Variants in TMOD2 observed in about 807,000 individuals in gnomAD.
TMOD2 encodes tropomodulin 2, also known as tropomodulin-2.
In TMOD2, 22 loss-of-function variants were observed where a neutral mutation model predicts 39.9. That is an observed-to-expected ratio of 0.55 (90% CI 0.39 to 0.79). The LOEUF is 0.79. TMOD2 is among the 30% of genes least tolerant of loss of function. The probability of loss-of-function intolerance (pLI) is 0.00; values close to 1 mark genes in which losing one functional copy is unlikely to be tolerated. For missense variants in TMOD2, 386 were observed against 413.3 expected (o/e 0.93, Z 0.57); for synonymous variants, 123 against 146.1 (o/e 0.84, Z 1.14).
chr15:51,757,082 T>C (rs781048124), intron 1 of TMOD2, among the ~76,000 whole-genome samples: 13 of 152,176 alleles, frequency 8.5e-5, no homozygotes, highest in Non-Finnish European at 1.3e-4. Context: ...TTGTTTAAAA[T>C]TATGAAATAT....
At chr15:51,757,959 C>T (rs2055754126) in intron 1 of TMOD2, among the ~76,000 whole-genome samples, 1 of 151,928 alleles carries the variant, frequency 6.6e-6, no homozygotes. Context: ...CAGCTGGGGT[C>T]AAAGGAGGTG....
intron 1 of TMOD2, among the ~76,000 whole-genome samples, chr15:51,760,336 C>T (rs1308653242): frequency 2.0e-5 from 3 of 152,210 alleles, no homozygotes; most frequent in Admixed American, 1.3e-4. Flanking sequence ...CATGTCCTTG[C>T]CCTTCCCAGC....
chr15:51,773,580 G>A, intron 3 of TMOD2, 132 bp from the exon 4 acceptor site: 1 of 812,598 alleles, frequency 1.2e-6, no homozygotes, highest in African/African-American at 1.7e-5. Context: ...GGCAATCCAG[G>A]AATCTCGGTT....
chr15:51,782,376 G>A (rs3794533), intron 6 of TMOD2, among the ~76,000 whole-genome samples: 3,983 of 152,256 alleles, frequency 0.026, 134 homozygotes, highest in Admixed American at 0.075. Flanking sequence ...AAAAGAGAAC[G>A]ACTTTGGTAT....
chr15:51,771,737 TGTTTCAGGCCA>T (rs1263290395), intron 3 of TMOD2, among the ~76,000 whole-genome samples: 5 of 152,154 alleles, frequency 3.3e-5, no homozygotes, highest in African/African-American at 9.7e-5. Context: ...AGAAAGAAAA[TGTTTCAGGCCA>T]TAGACGCTAG....
At chr15:51,775,459 T>C in intron 4 of TMOD2, among the ~76,000 whole-genome samples, 1 of 151,976 alleles carries the variant, frequency 6.6e-6, no homozygotes, top group East Asian at 1.9e-4. Flanking sequence ...TTGGTGAGCA[T>C]AGGGCCAGAG....
chr15:51,798,361 G>A (rs1471848823), intron 8 of TMOD2, 21 bp downstream of exon 8: 3 of 1,612,410 alleles, frequency 1.9e-6, no homozygotes, highest in Non-Finnish European at 2.5e-6. Flanking sequence ...CCAGAGAATA[G>A]GCAAAGTCAA....
chr15:51,788,921 C>T (rs936296035), intron 7 of TMOD2, among the ~76,000 whole-genome samples: 6 of 152,154 alleles, frequency 3.9e-5, no homozygotes, highest in Admixed American at 1.3e-4. Flanking sequence ...TTGTAAAGAC[C>T]GTCAACGCTA....
chr15:51,760,469 T>C (rs1039817419), intron 1 of TMOD2, among the ~76,000 whole-genome samples: 5 of 152,238 alleles, frequency 3.3e-5, no homozygotes, highest in Non-Finnish European at 7.3e-5. Context: ...TTGGATTACA[T>C]TGGCACACCC....
Position 51,777,033 on chromosome 15 carries a change from A to C in TMOD2, c.493+15A>C, listed in dbSNP as rs576464505. The C allele has an allele frequency of 6.3e-7, 1 of 1,588,248 alleles. No homozygotes were observed. The highest frequency in any genetic ancestry group is 1.3e-5 in the African/African-American group (1 of 74,792). ...ACCTGTCAGAAGTAAGTTGATGTGC[A>C]ATCTGTGGTTTTGTAAAGCTTTGGA... On this transcript the variant is annotated intron_variant, in intron 5 of 9. Transcript: ENST00000249700.
intron 7 of TMOD2, among the ~76,000 whole-genome samples, chr15:51,786,562 C>T (rs987122956): frequency 2.0e-5 from 3 of 152,180 alleles, no homozygotes. Context: ...AGCCATTTTA[C>T]AGATGAGGCA....
At chr15:51,785,769 A>G (rs1344319211) in intron 7 of TMOD2, among the ~76,000 whole-genome samples, 1 of 152,158 alleles carries the variant, frequency 6.6e-6, no homozygotes, top group Non-Finnish European at 1.5e-5. Flanking sequence ...TTTATTATAA[A>G]TTTCAAAATA....
chr15:51,787,633 C>T (rs1294921380), intron 7 of TMOD2, among the ~76,000 whole-genome samples: 1 of 152,190 alleles, frequency 6.6e-6, no homozygotes, highest in African/African-American at 2.4e-5. Context: ...GGTGGGTGTC[C>T]CTCTGGGACA....
chr15:51,787,131 G>A (rs898096591), intron 7 of TMOD2, among the ~76,000 whole-genome samples: 8 of 142,956 alleles, frequency 5.6e-5, no homozygotes, highest in African/African-American at 9.2e-5. Context: ...CCCAAATACC[G>A]CGCTTTTTCC....
intron 3 of TMOD2, among the ~76,000 whole-genome samples, chr15:51,770,785 A>G (rs140826798): frequency 2.4e-4 from 37 of 152,212 alleles, no homozygotes; most frequent in African/African-American, 8.4e-4. Flanking sequence ...AGCCTGGGTG[A>G]TAAAGTGGAT....
chr15:51,813,035 A>G lies in TMOD2; in HGVS notation c.*4581A>G, dbSNP rs1189708136. ...ACGATAGGGCCTCCTGTTGTAATAT[A>G]CTAGCCAGAGAAAAGCGCCAAGAAC... On this transcript the variant is annotated 3_prime_UTR_variant, in exon 10 of 10. Transcript: ENST00000249700. 1.3e-5 allele frequency: 2 copies of G among 152,214 alleles called. No individual in the cohort carries two copies. Among genetic ancestry groups the G allele is most frequent in the Non-Finnish European group, 2.9e-5 (2 of 68,050 alleles). 9.4% of individuals were successfully genotyped at this position (152,214 alleles called of 1,614,324 possible).
At chr15:51,761,779 G>A (rs372271513) in intron 1 of TMOD2, among the ~76,000 whole-genome samples, 3 of 151,776 alleles carry the variant, frequency 2.0e-5, no homozygotes, top group African/African-American at 4.8e-5. Context: ...ACCATTGATT[G>A]TAAAACTCTC....
chr15:51,793,227 A>G (rs1327370446), intron 7 of TMOD2, among the ~76,000 whole-genome samples: 3 of 152,236 alleles, frequency 2.0e-5, no homozygotes, highest in Non-Finnish European at 4.4e-5. Context: ...CAAGGAGCAT[A>G]CTGAATAAGT....
At chr15:51,786,566 T>C (rs1000875857) in intron 7 of TMOD2, among the ~76,000 whole-genome samples, 1 of 152,186 alleles carries the variant, frequency 6.6e-6, no homozygotes, top group African/African-American at 2.4e-5. Flanking sequence ...ATTTTACAGA[T>C]GAGGCAACTG....
Sources: allele counts gnomAD v4.1 joint callset (sites outside exome capture counted in the v4.1 genomes callset), GRCh38; gene constraint gnomAD v4.1.1; transcripts MANE v1.5; gene names NCBI Gene and HGNC (gene_info 2026-07-23, HGNC 2026-07-21).